MYO1D: variants seen among roughly 807,000 people sequenced by gnomAD.
MYO1D encodes myosin ID, also known as unconventional myosin-Id.
MYO1D carries 83 observed loss-of-function variants against 122.0 expected under a neutral mutation model. That is an observed-to-expected ratio of 0.68 (90% CI 0.57 to 0.82). The LOEUF (loss-of-function observed/expected upper bound fraction) is 0.82. Among genes scored for constraint, MYO1D ranks in the 40% least tolerant of loss-of-function variants. The pLI, the probability that MYO1D is intolerant of heterozygous loss-of-function variation, is 0.00. For synonymous variants in MYO1D, 464 were observed against 446.9 expected (o/e 1.04, Z -0.48); for missense variants, 1,157 against 1,269.5 (o/e 0.91, Z 1.35).
intron 20 of MYO1D, among the ~76,000 whole-genome samples, chr17:32,636,950 G>A (rs2088109016): frequency 6.6e-6 from 1 of 152,162 alleles, no homozygotes; most frequent in African/African-American, 2.4e-5. Context: ...ATCTGCAACG[G>A]GGTGTATCCA....
intron 21 of MYO1D, among the ~76,000 whole-genome samples, chr17:32,506,919 T>C (rs1909520627): frequency 1.3e-5 from 2 of 152,190 alleles, no homozygotes; most frequent in South Asian, 4.1e-4. Context: ...AGTTTGAGGC[T>C]GTAATGGGCT....
chr17:32,657,971 C>G (rs1161845390), intron 17 of MYO1D, among the ~76,000 whole-genome samples: 2 of 152,074 alleles, frequency 1.3e-5, no homozygotes. Flanking sequence ...TACATATAAT[C>G]TTATCTGTGT....
At chr17:32,813,171 C>T (rs2090586415) in intron 1 of MYO1D, among the ~76,000 whole-genome samples, 1 of 152,144 alleles carries the variant, frequency 6.6e-6, no homozygotes. Context: ...ACAGACAAGT[C>T]TGAAAAAAGA....
At chr17:32,579,931 A>G (rs889991634) in intron 21 of MYO1D, among the ~76,000 whole-genome samples, 1 of 152,244 alleles carries the variant, frequency 6.6e-6, no homozygotes, top group Admixed American at 6.5e-5. Context: ...GGCTATTACA[A>G]ATAATTTGAT....
chr17:32,703,819 T>A (rs1457088509), intron 16 of MYO1D, among the ~76,000 whole-genome samples: 3 of 152,206 alleles, frequency 2.0e-5, no homozygotes, highest in Non-Finnish European at 2.9e-5. Flanking sequence ...TAGTTAAAAG[T>A]TAAAACTACA....
At chr17:32,565,407 C>CAT (rs1289299609) in intron 21 of MYO1D, among the ~76,000 whole-genome samples, 4 of 152,286 alleles carry the variant, frequency 2.6e-5, no homozygotes, top group South Asian at 4.1e-4. Context: ...GATGCAGCTC[C>CAT]CACCTCCATC....
At chr17:32,854,391 C>A (rs1382095960) in intron 1 of MYO1D, among the ~76,000 whole-genome samples, 1 of 152,236 alleles carries the variant, frequency 6.6e-6, no homozygotes, top group Non-Finnish European at 1.5e-5. Context: ...AGTCACCTTC[C>A]TCCAAGAAAA....
chr17:32,596,855 C>T (rs2087498327), intron 21 of MYO1D, among the ~76,000 whole-genome samples: 1 of 152,194 alleles, frequency 6.6e-6, no homozygotes, highest in Non-Finnish European at 1.5e-5. Context: ...GTTAGGGCAG[C>T]CAACGTGAGA....
In MYO1D at chr17:32,767,170, A is replaced by G. The variant is rs79474531; in HGVS notation, c.831+466T>C. ...GTTTGGTGTGGTATAGTGGGAAACA[A>G]GTGGCCCAAAAGTGGTCTATGGTGT... On this transcript the variant is annotated intron_variant, in intron 7 of 21. Transcript: ENST00000318217. Among the ~76,000 whole-genome samples, 542 of 152,340 alleles carry G rather than the reference A, an allele frequency of 3.6e-3. 5 individuals are homozygous for G. Among genetic ancestry groups the G allele is most frequent in the African/African-American group, 0.013 (521 of 41,572 alleles).
At chr17:32,495,050 G>GC in intron 21 of MYO1D, 135 bp from the exon 22 acceptor site, 1 of 1,141,202 alleles carries the variant, frequency 8.8e-7, no homozygotes, top group Non-Finnish European at 1.2e-6. Flanking sequence ...TGCCTGAAGG[G>GC]CCCCAGAGAG....
intron 16 of MYO1D, among the ~76,000 whole-genome samples, chr17:32,704,124 G>A (rs2089279341): frequency 6.6e-6 from 1 of 152,078 alleles, no homozygotes; most frequent in African/African-American, 2.4e-5. Flanking sequence ...AACTTATATA[G>A]TTTCTTCAGT....
intron 16 of MYO1D, among the ~76,000 whole-genome samples, chr17:32,691,517 C>T (rs1007726195): frequency 1.3e-5 from 2 of 151,262 alleles, no homozygotes; most frequent in East Asian, 3.9e-4. Context: ...AGCGATTCTC[C>T]TGCCTCAGCC....
chr17:32,591,770 A>C (rs183777636), intron 21 of MYO1D, among the ~76,000 whole-genome samples: 10 of 152,178 alleles, frequency 6.6e-5, no homozygotes, highest in African/African-American at 1.9e-4. Flanking sequence ...TCATGAAACC[A>C]GTGGCCATCA....
In MYO1D at chr17:32,858,003, T is replaced by C. The variant is rs150726151; in HGVS notation, c.95+18775A>G. On this transcript the variant is annotated intron_variant, in intron 1 of 21. Coordinates refer to ENST00000318217, the MANE Select transcript of MYO1D (RefSeq NM_015194.3). ...AAGTAATACCTGTTGATTGGTAATGTTAATTGTTAATTTGTAATAACTGAG... is the reference window on the plus strand; with the variant it reads ...AAGTAATACCTGTTGATTGGTAATGCTAATTGTTAATTTGTAATAACTGAG... 6.0e-4 allele frequency among the ~76,000 whole-genome samples: 92 copies of C among 152,352 alleles called. No homozygotes were observed. In the East Asian group the frequency reaches 0.011, roughly 18 times the overall value.
At chr17:32,536,168 G>A (rs940063825) in intron 21 of MYO1D, among the ~76,000 whole-genome samples, 3 of 152,080 alleles carry the variant, frequency 2.0e-5, no homozygotes, top group Admixed American at 2.0e-4. Context: ...GGAGTAGCTG[G>A]GATTTACAGG....
intron 21 of MYO1D, among the ~76,000 whole-genome samples, chr17:32,579,109 C>T (rs2087304783): frequency 6.6e-6 from 1 of 152,114 alleles, no homozygotes; most frequent in South Asian, 2.1e-4. Context: ...TGCTCTGTCA[C>T]CCAGGCGAGA....
chr17:32,860,164 G>C (rs556836256), intron 1 of MYO1D, among the ~76,000 whole-genome samples: 29 of 152,296 alleles, frequency 1.9e-4, no homozygotes, highest in African/African-American at 6.7e-4. Context: ...TCCACCAGCT[G>C]AGGATGAAAC....
At chr17:32,526,981 C>T (rs1910363946) in intron 21 of MYO1D, among the ~76,000 whole-genome samples, 1 of 152,232 alleles carries the variant, frequency 6.6e-6, no homozygotes, top group African/African-American at 2.4e-5. Flanking sequence ...TCCTCCTCCC[C>T]AGTCCCAACC....
intron 10 of MYO1D, among the ~76,000 whole-genome samples, chr17:32,756,610 C>T (rs1304286491): frequency 6.6e-6 from 1 of 150,436 alleles, no homozygotes; most frequent in Non-Finnish European, 1.5e-5. Flanking sequence ...TTTTTAGTTA[C>T]ATGACCCTGA....
Sources: gnomAD v4.1 joint callset for allele counts (sites outside exome capture counted in the v4.1 genomes callset) on GRCh38, gnomAD v4.1.1 for gene constraint, MANE v1.5 for transcripts, NCBI Gene and HGNC (gene_info 2026-07-23, HGNC 2026-07-21) for gene names.